Variants in ADAMTS12 observed in about 807,000 individuals in gnomAD.
ADAMTS12 encodes A disintegrin and metalloproteinase with thrombospondin motifs 12.
Under a neutral mutation model 167.8 loss-of-function variants are expected in ADAMTS12, and 118 were observed. The observed-to-expected ratio is 0.70, with a 90% confidence interval of 0.61 to 0.82. The LOEUF (loss-of-function observed/expected upper bound fraction) is 0.82, where lower values mean the gene tolerates loss of function less well. ADAMTS12 is among the 40% of genes least tolerant of loss of function. ADAMTS12 has a pLI of 0.00. For missense variants in ADAMTS12, 1,916 were observed against 1,998.8 expected (o/e 0.96, Z 0.79); for synonymous variants, 704 against 716.9 (o/e 0.98, Z 0.29).
At position 33,647,056 on chromosome 5, in the gene ADAMTS12, G is replaced by A. The variant is rs2112185765; in HGVS notation, c.1479+1766C>T. Among the ~76,000 whole-genome samples, 3 of 152,164 alleles carry A rather than the reference G, an allele frequency of 2.0e-5. No individual in the cohort carries two copies. In the Middle Eastern group the frequency reaches 0.01, roughly 521 times the overall value. On this transcript the variant is annotated intron_variant, in intron 9 of 23. Transcript: ENST00000504830. The stretch of plus-strand genomic sequence containing the variant: ...ATGATATAAAATACAGAGACACAAA[G>A]AGATGAAAATATGAAGGAGAGGTTT...
chr5:33,577,103 G>A lies in ADAMTS12; in HGVS notation c.2923C>T (p.His975Tyr), dbSNP rs762253270. The A allele has an allele frequency of 3.1e-6, 5 of 1,614,184 alleles. No individual in the cohort carries two copies. The Admixed American group carries it at 5.0e-5, about 16-fold the overall frequency. Residue 975 changes from histidine (H) to tyrosine (Y), a missense_variant, in exon 19 of 24, where the codon CAT becomes TAT. Coordinates refer to ENST00000504830, the MANE Select transcript of ADAMTS12 (RefSeq NM_030955.4). ...CTTGTCACATCGCAAGGTTCATCAT[G>A]GTTCTTGGCACATGTGACACTGCGA... ...RIRSVTCAKN[H>Y]DEPCDVTRKP...
At chr5:33,605,043 A>G (rs1454704102) in intron 16 of ADAMTS12, among the ~76,000 whole-genome samples, 10 of 152,368 alleles carry the variant, frequency 6.6e-5, no homozygotes, top group Non-Finnish European at 8.8e-5. Flanking sequence ...AGACATATAT[A>G]AAAATAAACT....
chr5:33,863,335 T>C (rs907376656), intron 2 of ADAMTS12, among the ~76,000 whole-genome samples: 4 of 152,214 alleles, frequency 2.6e-5, no homozygotes, highest in Non-Finnish European at 5.9e-5. Context: ...GATAAGCAAC[T>C]TCAGCAAAGA....
chr5:33,700,643 C>T (rs1029186249), intron 3 of ADAMTS12, among the ~76,000 whole-genome samples: 6 of 151,856 alleles, frequency 4.0e-5, no homozygotes, highest in African/African-American at 9.7e-5. Context: ...AATATACTTG[C>T]GATAAAACCA....
chr5:33,702,722 C>A (rs984492678), intron 3 of ADAMTS12, among the ~76,000 whole-genome samples: 9 of 152,096 alleles, frequency 5.9e-5, no homozygotes, highest in African/African-American at 2.2e-4. Context: ...AAAACCTGAC[C>A]TTTTATTAAA....
chr5:33,615,124 C>A (rs1030055572), intron 15 of ADAMTS12, among the ~76,000 whole-genome samples: 13 of 152,126 alleles, frequency 8.5e-5, no homozygotes, highest in African/African-American at 3.1e-4. Flanking sequence ...ATTGGTTGCT[C>A]CCTGGGACTG....
At chr5:33,609,842 A>G (rs1738636943) in intron 16 of ADAMTS12, among the ~76,000 whole-genome samples, 1 of 152,096 alleles carries the variant, frequency 6.6e-6, no homozygotes, top group Admixed American at 6.5e-5. Context: ...ATAAAGATTT[A>G]TGGTCCAACA....
In ADAMTS12 at chr5:33,785,838, G is replaced by A. The variant is rs571465608; in HGVS notation, c.490-34290C>T. 1.6e-3 allele frequency among the ~76,000 whole-genome samples: 237 copies of A among 152,196 alleles called. No individual in the cohort carries two copies. The Middle Eastern group carries it at 0.017, about 11-fold the overall frequency. On this transcript the variant is annotated intron_variant, in intron 2 of 23. Coordinates refer to ENST00000504830, the MANE Select transcript of ADAMTS12 (RefSeq NM_030955.4). Reference sequence around the variant, plus strand: ...AATATTTACTTAAGAGAAATGAAGCGTGTATTCACACAAAGATTTGTGTGC... The same window carrying A: ...AATATTTACTTAAGAGAAATGAAGCATGTATTCACACAAAGATTTGTGTGC...
intron 20 of ADAMTS12, among the ~76,000 whole-genome samples, chr5:33,553,711 C>T (rs1214022225): frequency 6.6e-6 from 1 of 152,124 alleles, no homozygotes; most frequent in Non-Finnish European, 1.5e-5. Context: ...TGGGGCCTAA[C>T]AGAGGGTGGA....
At chr5:33,659,608 C>G (rs1741183674) in intron 6 of ADAMTS12, among the ~76,000 whole-genome samples, 1 of 152,144 alleles carries the variant, frequency 6.6e-6, no homozygotes, top group South Asian at 2.1e-4. Flanking sequence ...AAGTGGCTAA[C>G]AAAAGAATTA....
chr5:33,560,761 G>A (rs1745703004), intron 20 of ADAMTS12, among the ~76,000 whole-genome samples: 2 of 128,694 alleles, frequency 1.6e-5, no homozygotes, highest in South Asian at 2.8e-4. Context: ...CACACACCGG[G>A]GCCTGTTGTG....
chr5:33,737,435 G>T (rs995990954), intron 3 of ADAMTS12, among the ~76,000 whole-genome samples: 1 of 152,206 alleles, frequency 6.6e-6, no homozygotes, highest in East Asian at 1.9e-4. Context: ...GGGGAAAACG[G>T]GGAGTTGTCT....
chr5:33,775,194 G>A (rs1049440446), intron 2 of ADAMTS12, among the ~76,000 whole-genome samples: 5 of 152,112 alleles, frequency 3.3e-5, no homozygotes, highest in Admixed American at 1.3e-4. Flanking sequence ...CAATAGAGAC[G>A]TTCACCCCTT....
intron 2 of ADAMTS12, among the ~76,000 whole-genome samples, chr5:33,804,503 T>G (rs1025404091): frequency 2.6e-5 from 4 of 152,182 alleles, no homozygotes; most frequent in African/African-American, 9.7e-5. Flanking sequence ...CCAACTGACA[T>G]GCAGATGTGT....
chr5:33,545,973 C>T, intron 22 of ADAMTS12, 86 bp downstream of exon 22: 3 of 1,492,504 alleles, frequency 2.0e-6, no homozygotes, highest in Non-Finnish European at 2.7e-6. Flanking sequence ...AACAAACCTG[C>T]ACGTTGTGCA....
intron 2 of ADAMTS12, among the ~76,000 whole-genome samples, chr5:33,826,569 T>C (rs373139950): frequency 1.3e-5 from 1 of 74,456 alleles, no homozygotes; most frequent in East Asian, 3.4e-4. Flanking sequence ...TTTATGTATG[T>C]GTATGTGTGT....
At chr5:33,579,387 G>A (rs529820386) in intron 18 of ADAMTS12, among the ~76,000 whole-genome samples, 6 of 152,204 alleles carry the variant, frequency 3.9e-5, no homozygotes, top group East Asian at 3.9e-4. Flanking sequence ...GCTCTCTTTC[G>A]GCTTTCCTTT....
chr5:33,787,904 G>C (rs544398604), intron 2 of ADAMTS12, among the ~76,000 whole-genome samples: 1 of 152,348 alleles, frequency 6.6e-6, no homozygotes, highest in East Asian at 1.9e-4. Flanking sequence ...CATCTACCAT[G>C]TGTGAGGGAA....
At chr5:33,555,948 T>C (rs996692514) in intron 20 of ADAMTS12, among the ~76,000 whole-genome samples, 3 of 152,200 alleles carry the variant, frequency 2.0e-5, no homozygotes, top group Non-Finnish European at 4.4e-5. Context: ...AGTTTCTCCA[T>C]TGGCAGGGCT....
Sources: allele counts gnomAD v4.1 joint callset (sites outside exome capture counted in the v4.1 genomes callset), GRCh38; gene constraint gnomAD v4.1.1; transcripts MANE v1.5; gene names NCBI Gene and HGNC (gene_info 2026-07-23, HGNC 2026-07-21).